The following STARD13 variants were observed in gnomAD, a reference collection of about 807,000 sequenced individuals.
STARD13 encodes the protein StAR related lipid transfer domain containing 13.
Under a neutral mutation model 106.4 loss-of-function variants are expected in STARD13, and 62 were observed. The observed-to-expected ratio is 0.58, with a 90% confidence interval of 0.48 to 0.72. The LOEUF (loss-of-function observed/expected upper bound fraction) is 0.72. Ranked by LOEUF, STARD13 falls within the 30% of genes least tolerant of loss-of-function variation. The pLI is 0.00. For synonymous variants in STARD13, 565 were observed against 553.0 expected (o/e 1.02, Z -0.31); for missense variants, 1,387 against 1,424.0 (o/e 0.97, Z 0.42).
At chr13:33,466,065 C>T in the STARD13 span, among the ~76,000 whole-genome samples, 1 of 152,074 alleles carries the variant, frequency 6.6e-6, no homozygotes, top group South Asian at 2.1e-4. Context: ...CTAATAATGC[C>T]TACTTCATGT....
At chr13:33,290,702 C>T (rs1428325028), upstream of STARD13, among the ~76,000 whole-genome samples, 1 of 152,266 alleles carries the variant, frequency 6.6e-6, no homozygotes, top group Non-Finnish European at 1.5e-5. Context: ...TGTGCTCTCC[C>T]GTATGCCATT....
At chr13:33,215,104 A>C (rs1392539527) in intron 1 of STARD13, among the ~76,000 whole-genome samples, 3 of 100,350 alleles carry the variant, frequency 3.0e-5, no homozygotes, top group African/African-American at 1.3e-4. Context: ...AAAATTCAGG[A>C]ATAGAATGAG....
the STARD13 span, among the ~76,000 whole-genome samples, chr13:33,551,601 T>C: frequency 2.5e-5 from 2 of 79,142 alleles, no homozygotes; most frequent in African/African-American, 4.8e-5. Flanking sequence ...TTTTTTTTTT[T>C]TTTTTTTTTT....
chr13:33,104,885 C>G lies in STARD13; in HGVS notation c.*708G>C, dbSNP rs1173165001. On this transcript the variant is annotated 3_prime_UTR_variant, in exon 14 of 14. Transcript: ENST00000336934. ...CTAGCTTTAAATTTGGTAATGACTT[C>G]TCACCCCCCCATTTGCTTTAAGGAG... 1 of 153,534 alleles carries G rather than the reference C, an allele frequency of 6.5e-6. No homozygotes were observed. The highest frequency in any genetic ancestry group is 2.4e-5 in the African/African-American group (1 of 41,450). 9.5% of individuals were successfully genotyped at this position (153,534 alleles called of 1,614,324 possible).
chr13:33,375,608 A>G, the STARD13 span, among the ~76,000 whole-genome samples: 2 of 152,146 alleles, frequency 1.3e-5, no homozygotes, highest in African/African-American at 4.8e-5. Flanking sequence ...ACATGGCAGC[A>G]GCAAGGAGAA....
chr13:33,358,852 T>G, the STARD13 span, among the ~76,000 whole-genome samples: 1 of 152,182 alleles, frequency 6.6e-6, no homozygotes, highest in Non-Finnish European at 1.5e-5. Flanking sequence ...CAGCACCCTA[T>G]GTTTAGCTCA....
At chr13:33,449,418 C>T in the STARD13 span, among the ~76,000 whole-genome samples, 2 of 152,020 alleles carry the variant, frequency 1.3e-5, no homozygotes, top group Non-Finnish European at 2.9e-5. Flanking sequence ...GCTGTAGATC[C>T]ATGGATTTAT....
upstream of STARD13, among the ~76,000 whole-genome samples, chr13:33,352,069 A>G (rs1298534108): frequency 6.6e-6 from 1 of 152,258 alleles, no homozygotes; most frequent in Non-Finnish European, 1.5e-5. Context: ...GTAATGAGAT[A>G]CTTTTTTTGT....
chr13:33,498,383 G>A, the STARD13 span, among the ~76,000 whole-genome samples: 1 of 152,094 alleles, frequency 6.6e-6, no homozygotes, highest in African/African-American at 2.4e-5. Context: ...TTTACATTAG[G>A]GATTGTTAGA....
In STARD13 at chr13:33,165,400, T is replaced by C; in HGVS notation, c.260A>G (p.Asn87Ser). The change falls in exon 3 of 14, where the codon AAC becomes AGC. Residue 87 changes from asparagine (N) to serine (S), a missense_variant. Transcript: ENST00000336934. ...QLYEDSQFPI[N>S]IVAVKNDHDF... ...ATGATCATTCTTGACAGCCACAATG[T>C]TGATGGGAAATTGTGAATCTGAGAG... The C allele has an allele frequency of 6.2e-7, 1 of 1,613,848 alleles. No homozygotes were observed. Among genetic ancestry groups the C allele is most frequent in the South Asian group, 1.1e-5 (1 of 91,070 alleles).
the STARD13 span, among the ~76,000 whole-genome samples, chr13:33,593,901 T>C: frequency 6.6e-6 from 1 of 151,528 alleles, no homozygotes; most frequent in Non-Finnish European, 1.5e-5. Context: ...CCTACTTCTG[T>C]TTTTGTTTTT....
chr13:33,145,669 A>G (rs1202851617), intron 3 of STARD13, among the ~76,000 whole-genome samples: 2 of 152,180 alleles, frequency 1.3e-5, no homozygotes, highest in Admixed American at 1.3e-4. Flanking sequence ...TATCCATACA[A>G]TGGAATACTC....
chr13:33,350,207 A>T, intron 1 of STARD13: 1 of 1,433,870 alleles, frequency 7.0e-7, no homozygotes, highest in Non-Finnish European at 9.1e-7. Context: ...AGCCCAGAGC[A>T]GAGGAGGGCG....
At chr13:33,668,133 A>C in the STARD13 span, among the ~76,000 whole-genome samples, 1 of 152,196 alleles carries the variant, frequency 6.6e-6, no homozygotes, top group Non-Finnish European at 1.5e-5. Context: ...GAGGCTGCCC[A>C]ATTCGGGGAT....
chr13:33,168,386 C>G (rs181310288), intron 1 of STARD13, among the ~76,000 whole-genome samples: 1 of 152,086 alleles, frequency 6.6e-6, no homozygotes, highest in African/African-American at 2.4e-5. Flanking sequence ...AACAGCCCAC[C>G]GGACCACCTG....
chr13:33,494,617 A>C, the STARD13 span, among the ~76,000 whole-genome samples: 1 of 152,288 alleles, frequency 6.6e-6, no homozygotes, highest in Non-Finnish European at 1.5e-5. Context: ...CAGTGAGAAG[A>C]TTGCTGAAGA....
the STARD13 span, among the ~76,000 whole-genome samples, chr13:33,473,762 A>C: frequency 1.9e-4 from 29 of 152,042 alleles, no homozygotes; most frequent in African/African-American, 6.8e-4. Context: ...GCCAGCCCTA[A>C]CCATGTTCCT....
At chr13:33,293,731 G>A (rs749082476) in intron 1 of STARD13, among the ~76,000 whole-genome samples, 30 of 152,284 alleles carry the variant, frequency 2.0e-4, no homozygotes, top group Non-Finnish European at 4.1e-4. Flanking sequence ...TATAAAGCAG[G>A]CAGAAAAACG....
chr13:33,166,309 A>G (rs1883307025), intron 2 of STARD13, among the ~76,000 whole-genome samples: 1 of 151,924 alleles, frequency 6.6e-6, no homozygotes, highest in Non-Finnish European at 1.5e-5. Flanking sequence ...AGGGAGGGAG[A>G]CACTTGTGAT....
Sources: allele counts gnomAD v4.1 joint callset (sites outside exome capture counted in the v4.1 genomes callset), GRCh38; gene constraint gnomAD v4.1.1; transcripts MANE v1.5; gene names NCBI Gene and HGNC (gene_info 2026-07-23, HGNC 2026-07-21).